Variants in RTEL1 observed in about 807,000 individuals in gnomAD.
The protein encoded by RTEL1 is regulator of telomere elongation helicase 1.
A neutral mutation model predicts 162.2 loss-of-function variants in RTEL1; 86 were observed. The ratio of observed to expected loss-of-function variants is 0.53; its 90% CI spans 0.45 to 0.63. RTEL1 has a LOEUF of 0.63. RTEL1 is among the 30% of genes least tolerant of loss of function. The probability of loss-of-function intolerance (pLI) is 0.00; values close to 1 mark genes in which losing one functional copy is unlikely to be tolerated. For missense variants in RTEL1, 1,941 were observed against 1,750.2 expected, an observed-to-expected ratio of 1.11 and a Z score of -1.95; for synonymous variants, 958 against 717.9, an observed-to-expected ratio of 1.33 and a Z score of -5.35.
chr20:63,692,538 G>A (rs1285215890), intron 28 of RTEL1: 1 of 541,786 alleles, frequency 1.8e-6, no homozygotes, highest in South Asian at 2.2e-5. Flanking sequence ...CCCCTGGCTT[G>A]AGGCAGAGCC....
intron 6 of RTEL1, among the ~76,000 whole-genome samples, chr20:63,664,839 G>A (rs1435957094): frequency 1.3e-5 from 2 of 152,226 alleles, no homozygotes; most frequent in Non-Finnish European, 2.9e-5. Context: ...CGTCCTGTGA[G>A]GACTCTGGTT....
chr20:63,692,768 G>C (rs779427902), intron 28 of RTEL1, 37 bp from the exon 29 acceptor site: 2 of 1,585,778 alleles, frequency 1.3e-6, no homozygotes, highest in Admixed American at 1.7e-5. Context: ...AGATGATGAG[G>C]CTGGCCCTGA....
At position 63,688,683 on chromosome 20, in the gene RTEL1, C is replaced by A. The variant is rs1035422049; in HGVS notation, c.1800+78C>A. The A allele has an allele frequency of 3.6e-6, 5 of 1,380,528 alleles. No homozygotes were observed. In the African/African-American group the frequency reaches 7.1e-5, roughly 20 times the overall value. The allele number at this position is 1,380,528 out of a possible 1,614,324, so 85.5% of individuals were successfully genotyped here. A position where few individuals can be genotyped will look rare whatever the true frequency, so the allele number is the denominator to read the frequency against. ...CTCTCACAGCTTCCCCAAGGCTGACCACTGGCCCTGACCATGGGCTCCGGC... is the reference window on the plus strand; with the variant it reads ...CTCTCACAGCTTCCCCAAGGCTGACAACTGGCCCTGACCATGGGCTCCGGC... On this transcript the variant is annotated intron_variant, in intron 21 of 34. Transcript: ENST00000360203.
chr20:63,680,716 C>T lies in RTEL1; in HGVS notation c.1188C>T (p.Ile396=). The T allele has an allele frequency of 1.2e-6, 2 of 1,613,350 alleles. No individual in the cohort carries two copies. Among genetic ancestry groups the T allele is most frequent in the Non-Finnish European group, 1.7e-6 (2 of 1,179,970 alleles). ...GACTGCAGAAGCTGGCGGACATTAT[C>T]CAGGTGGGGCCTGCTCCTCTGTGGC... is the stretch of plus-strand genomic sequence containing the variant. ...TAGLQKLADI[I]QIVFSVDPSE... The change falls in exon 14 of 35, where the codon ATC becomes ATT. Residue 396 remains isoleucine (I), a synonymous_variant. Transcript: ENST00000360203.
Position 63,694,902 on chromosome 20 carries a change from G to T in RTEL1, c.3271G>T (p.Asp1091Tyr). The T allele has an allele frequency of 6.2e-7, 1 of 1,612,628 alleles. No homozygotes were observed. The highest frequency in any genetic ancestry group is 8.5e-7 in the Non-Finnish European group (1 of 1,179,868). Residue 1091 changes from aspartate to tyrosine, a missense_variant, in exon 32 of 35, where the codon GAC becomes TAC. Coordinates refer to ENST00000360203, the MANE Select transcript of RTEL1 (RefSeq NM_001283009.2). ...GCTGACAGCCTATAAGCAAGACGACGACCTCGACAAGGTGCTGGCTGTGTT... is the reference window on the plus strand; with the variant it reads ...GCTGACAGCCTATAAGCAAGACGACTACCTCGACAAGGTGCTGGCTGTGTT... ...AALTAYKQDDDLDKVLAVLAA... is the reference protein window; with the variant it reads ...AALTAYKQDDYLDKVLAVLAA...
chr20:63,688,524 AC>A lies in RTEL1; in HGVS notation c.1723-3del, dbSNP rs757053245. On this transcript the variant is annotated splice_polypyrimidine_tract_variant and splice_region_variant and intron_variant, in intron 20 of 34. Coordinates refer to ENST00000360203, the MANE Select transcript of RTEL1 (RefSeq NM_001283009.2). The stretch of plus-strand genomic sequence containing the variant: ...TGCCGTGTCCCTGCCTCTTCCTCCC[AC>A]AGGCCCGCGACTTGGCCAGGAAGAT... The A allele has an allele frequency of 6.2e-7, 1 of 1,609,858 alleles. No homozygotes were observed. The highest frequency in any genetic ancestry group is 1.1e-5 in the South Asian group (1 of 90,708).
chr20:63,693,570 T>TCCACCTCCACCACCA (rs1568720957), intron 30 of RTEL1, among the ~76,000 whole-genome samples: 1 of 5,742 alleles, frequency 1.7e-4, no homozygotes, highest in East Asian at 4.9e-3. Context: ...CTCCACCACC[T>TCCACCTCCACCACCA]CCACCTCCAC....
chr20:63,693,059 G>C (rs1358648068), intron 29 of RTEL1, 56 bp downstream of exon 29: 18 of 1,609,636 alleles, frequency 1.1e-5, no homozygotes, highest in South Asian at 2.2e-5. Context: ...GCCGCGTGTG[G>C]GGTGGGGGCC....
intron 27 of RTEL1, 31 bp downstream of exon 27, chr20:63,690,978 G>T: frequency 6.5e-7 from 1 of 1,534,658 alleles, no homozygotes; most frequent in Non-Finnish European, 8.8e-7. Context: ...GATGGACACA[G>T]ACCCTCTGTC....
At position 63,688,077 on chromosome 20, in the gene RTEL1, G is replaced by A. The variant is rs571045376; in HGVS notation, c.1595+27G>A. ...TGAGGGCCTGTCCCTGGGCCCTGCT[G>A]GGGTGGGAGGTGGGGGAGCACTGAG... On this transcript the variant is annotated intron_variant, in intron 18 of 34. Coordinates refer to ENST00000360203, the MANE Select transcript of RTEL1 (RefSeq NM_001283009.2). 2.5e-6 allele frequency: 4 copies of A among 1,611,700 alleles called. No individual in the cohort carries two copies. The African/African-American group carries it at 5.3e-5, about 22-fold the overall frequency.
chr20:63,659,968 C>T lies in RTEL1; in HGVS notation c.102+464C>T, dbSNP rs2089985504. Among the ~76,000 whole-genome samples the T allele has an allele frequency of 4.0e-5, 6 of 151,842 alleles. No homozygotes were observed. In the South Asian group the frequency reaches 1.2e-3, roughly 31 times the overall value. On this transcript the variant is annotated intron_variant, in intron 2 of 34. Coordinates refer to ENST00000360203, the MANE Select transcript of RTEL1 (RefSeq NM_001283009.2). ...AAAACGTGAGCAAAGGAATCTGGGTCACAAATAAGTTCAAGGGAAGGTACT... is the reference window on the plus strand; with the variant it reads ...AAAACGTGAGCAAAGGAATCTGGGTTACAAATAAGTTCAAGGGAAGGTACT...
rs778775766 is a variant in RTEL1 at position 63,661,403 on chromosome 20, C to T, written c.208C>T (p.Arg70Cys). 58 of 1,613,832 alleles carry T rather than the reference C, an allele frequency of 3.6e-5. No individual in the cohort carries two copies. Among genetic ancestry groups the T allele is most frequent in the East Asian group, 3.3e-4 (15 of 44,890 alleles). Reference protein sequence around the residue: ...REHLRDGISARKIAERAQGEL... With the variant: ...REHLRDGISACKIAERAQGEL... ...ACACCTCCGAGACGGCATCTCTGCC[C>T]GCAAGATTGCCGAGAGGGCGCAAGG... Residue 70 changes from arginine to cysteine, a missense_variant, in exon 3 of 35, where the codon CGC becomes TGC. By Grantham distance (180) the Arg-to-Cys change is radical. Coordinates refer to ENST00000360203, the MANE Select transcript of RTEL1 (RefSeq NM_001283009.2). This position sits in a 1 kb window ranked among gnomAD's most constrained non-coding sequence, Gnocchi z 5.1.
At chr20:63,688,096 C>T in intron 18 of RTEL1, 43 bp from the exon 19 acceptor site, 2 of 1,612,084 alleles carry the variant, frequency 1.2e-6, no homozygotes, top group Non-Finnish European at 1.7e-6. Flanking sequence ...GGTGGGGGAG[C>T]ACTGAGGCCT....
At chr20:63,676,969 T>C (rs2090366447) in intron 10 of RTEL1, among the ~76,000 whole-genome samples, 1 of 152,226 alleles carries the variant, frequency 6.6e-6, no homozygotes, top group Non-Finnish European at 1.5e-5. Flanking sequence ...CATCACTGAA[T>C]GTTTGTGTGT....
At chr20:63,663,104 CCTCTGG>C in intron 6 of RTEL1, 1 of 604,660 alleles carries the variant, frequency 1.7e-6, no homozygotes, top group South Asian at 1.9e-5. Flanking sequence ...GGCAAGACTG[CCTCTGG>C]CTGGTGCCTG....
chr20:63,690,412 A>G lies in RTEL1; in HGVS notation c.2384A>G (p.His795Arg), dbSNP rs2145432169. The G allele has an allele frequency of 7.0e-7, 1 of 1,435,250 alleles. No individual in the cohort carries two copies. The highest frequency in any genetic ancestry group is 9.4e-7 in the Non-Finnish European group (1 of 1,065,342). The allele number at this position is 1,435,250 out of a possible 1,614,324, so 88.9% of individuals were successfully genotyped here. The change falls in exon 26 of 35, where the codon CAT becomes CGT. Residue 795 changes from histidine (H) to arginine (R), a missense_variant. Physicochemically the swap from His to Arg is conservative, Grantham distance 29 (BLOSUM62 0). Transcript: ENST00000360203. ...STRKAKSLDL[H>R]VPSLKQRSSG... The stretch of plus-strand genomic sequence containing the variant: ...AGGAAAGCTAAGAGTCTGGACCTGC[A>G]TGTCCCCAGCCTGAAGCAGAGGTCC...
chr20:63,674,061 A>C lies in RTEL1; in HGVS notation c.887A>C (p.His296Pro). Residue 296 changes from histidine to proline, a missense_variant, in exon 10 of 35, where the codon CAC becomes CCC. His to Pro is a moderately conservative substitution (Grantham distance 77). Transcript: ENST00000360203. Reference protein sequence around the residue: ...QTKAAQQGEPHPEFSADSPSP... With the variant: ...QTKAAQQGEPPPEFSADSPSP... The stretch of plus-strand genomic sequence containing the variant: ...AAGGCAGCGCAGCAGGGTGAGCCCC[A>C]CCCGGAGTTCAGCGCGGACTCCCCC... 6.2e-7 allele frequency: 1 copy of C among 1,613,338 alleles called. No homozygotes were observed. The highest frequency in any genetic ancestry group is 8.5e-7 in the Non-Finnish European group (1 of 1,179,862).
intron 30 of RTEL1, 68 bp from the exon 31 acceptor site, chr20:63,694,304 G>GCCCCCCCCCCCCCCCC: frequency 1.2e-6 from 1 of 813,004 alleles, no homozygotes; most frequent in Non-Finnish European, 2.1e-6. Flanking sequence ...AGCCAGCCCT[G>GCCCCCCCCCCCCCCCC]CCCCCCCACC....
chr20:63,692,642 A>C (rs1002184043), intron 28 of RTEL1, 163 bp from the exon 29 acceptor site: 5 of 660,326 alleles, frequency 7.6e-6, no homozygotes, highest in Non-Finnish European at 1.3e-5. Context: ...TTCTTCCCGC[A>C]GCCCCTCCCT....
Sources: gnomAD v4.1 joint callset for allele counts (sites outside exome capture counted in the v4.1 genomes callset) on GRCh38, gnomAD v4.1.1 for gene constraint, Gnocchi (gnomAD v3.1) non-coding constraint, MANE v1.5 for transcripts, NCBI Gene and HGNC (gene_info 2026-07-23, HGNC 2026-07-21) for gene names.